The following FERMT3 variants were observed in gnomAD, a reference collection of about 807,000 sequenced individuals.
FERMT3 encodes the protein FERM domain containing kindlin 3, also known as fermitin family homolog 3.
In FERMT3, 33 loss-of-function variants were observed where a neutral mutation model predicts 80.8. The ratio of observed to expected loss-of-function variants is 0.41; its 90% CI spans 0.31 to 0.55. FERMT3 has a LOEUF of 0.55. Ranked by LOEUF, FERMT3 falls within the 20% of genes least tolerant of loss-of-function variation. FERMT3 has a pLI of 0.31. For synonymous variants in FERMT3, 375 were observed against 372.2 expected (o/e 1.01, Z -0.09); for missense variants, 754 against 908.7 (o/e 0.83, Z 2.19).
chr11:64,220,195 T>C, intron 10 of FERMT3, 25 bp from the exon 11 acceptor site: 1 of 1,610,630 alleles, frequency 6.2e-7, no homozygotes. Flanking sequence ...CCCGACCTCC[T>C]AGACCACCCC....
intron 12 of FERMT3, 98 bp downstream of exon 12, chr11:64,220,767 T>C (rs1239134017): frequency 3.1e-6 from 4 of 1,301,314 alleles, no homozygotes; most frequent in Non-Finnish European, 4.4e-6. Context: ...AGCTACGTAC[T>C]CACTGGGCTT....
At position 64,219,298 on chromosome 11, in the gene FERMT3, C is replaced by T; in HGVS notation, c.834C>T (p.Asp278=). The change falls in exon 7 of 15, where the codon GAC becomes GAT. Residue 278 remains aspartate (D), a synonymous_variant. Coordinates refer to ENST00000345728, the MANE Select transcript of FERMT3 (RefSeq NM_031471.6). The surrounding 1 kb of genome is among the most constrained non-coding windows in gnomAD (Gnocchi z 4.0). The part of the protein sequence containing the change: ...LTQLYEQARW[D]LLLEEIDCTE... ...AGCTGTATGAGCAGGCCCGGTGGGA[C>T]CTGCTGCTGGAGGAGATTGACTGCA... The T allele has an allele frequency of 1.9e-6, 3 of 1,609,430 alleles. No individual in the cohort carries two copies. The highest frequency in any genetic ancestry group is 1.7e-5 in the Admixed American group (1 of 59,536).
chr11:64,220,407 G>A, intron 11 of FERMT3, 29 bp from the exon 12 acceptor site: 1 of 1,609,566 alleles, frequency 6.2e-7, no homozygotes, highest in East Asian at 2.2e-5. Context: ...AGCTTGGTTA[G>A]CACTGTCCCC....
chr11:64,218,451 G>A (rs1005133706), intron 6 of FERMT3, among the ~76,000 whole-genome samples: 1 of 152,004 alleles, frequency 6.6e-6, no homozygotes, highest in Non-Finnish European at 1.5e-5. Context: ...CTACAGGCAC[G>A]CACCACCTCA....
At chr11:64,212,680 C>CA (rs1372186173) in intron 6 of FERMT3, among the ~76,000 whole-genome samples, 1 of 151,872 alleles carries the variant, frequency 6.6e-6, no homozygotes, top group Admixed American at 6.6e-5. Context: ...GCCACTCTGC[C>CA]AGGCTCTGTG....
intron 13 of FERMT3, among the ~76,000 whole-genome samples, chr11:64,222,732 T>C (rs1442556283): frequency 1.3e-5 from 2 of 152,126 alleles, no homozygotes; most frequent in South Asian, 2.1e-4. Flanking sequence ...TGATTAGTTG[T>C]TTCCCAAGAC....
intron 11 of FERMT3, 50 bp downstream of exon 11, chr11:64,220,376 G>GGC: frequency 6.2e-7 from 1 of 1,609,246 alleles, no homozygotes; most frequent in Non-Finnish European, 8.5e-7. Context: ...CTGGGGCAGG[G>GGC]GCAGGGGCTG....
chr11:64,213,644 G>C (rs1005277587), intron 6 of FERMT3, among the ~76,000 whole-genome samples: 92 of 142,828 alleles, frequency 6.4e-4, no homozygotes, highest in African/African-American at 2.3e-3. Context: ...CACAACCTCC[G>C]CCTCCTGGGT....
chr11:64,219,339 T>C lies in FERMT3; in HGVS notation c.875T>C (p.Met292Thr), dbSNP rs764669409. Reference sequence around the variant, plus strand: ...ATTGACTGCACCGAGGAGGAGATGATGGTGTTTGCCGCCCTGCAGGTACCA... The same window carrying C: ...ATTGACTGCACCGAGGAGGAGATGACGGTGTTTGCCGCCCTGCAGGTACCA... ...EEIDCTEEEM[M>T]VFAALQYHIN... Residue 292 changes from methionine to threonine, a missense_variant, in exon 7 of 15, where the codon ATG becomes ACG. Met to Thr is a moderately conservative substitution (Grantham distance 81). Transcript: ENST00000345728. The surrounding 1 kb of genome is among the most constrained non-coding windows in gnomAD (Gnocchi z 4.0). 1.2e-6 allele frequency: 2 copies of C among 1,604,324 alleles called. No individual in the cohort carries two copies. The highest frequency in any genetic ancestry group is 1.7e-6 in the Non-Finnish European group (2 of 1,175,798).
In FERMT3 at chr11:64,223,591, G is replaced by A; in HGVS notation, c.*99G>A. 7.1e-7 allele frequency: 1 copy of A among 1,402,976 alleles called. No homozygotes were observed. The highest frequency in any genetic ancestry group is 2.5e-5 in the East Asian group (1 of 40,418). The allele number at this position is 1,402,976 out of a possible 1,614,324, so 86.9% of individuals were successfully genotyped here. A position where few individuals can be genotyped will look rare whatever the true frequency, so the allele number is the denominator to read the frequency against. On this transcript the variant is annotated 3_prime_UTR_variant, in exon 15 of 15. Transcript: ENST00000345728. ...ACTGCCCCACACCCGCTCCAGGCAG[G>A]CACCCAGCTGGGCATTTCACCTGCT... is the stretch of plus-strand genomic sequence containing the variant.
Position 64,211,410 on chromosome 11 carries a change from G to T in FERMT3, c.650G>T (p.Ser217Ile). ...CTGCTCCAGCGTCTGCCACGGCCCA[G>T]CTCCCTGTCAGACAAGACCCAGCTC... ...PLLLQRLPRP[S>I]SLSDKTQLHS... Residue 217 changes from serine to isoleucine, a missense_variant, in exon 5 of 15, where the codon AGC (serine) becomes ATC (isoleucine). Physicochemically the swap from Ser to Ile is moderately radical, Grantham distance 142. Transcript: ENST00000345728. This position sits in a 1 kb window ranked among gnomAD's most constrained non-coding sequence, Gnocchi z 4.7. 6.2e-7 allele frequency: 1 copy of T among 1,601,814 alleles called. No individual in the cohort carries two copies.
At chr11:64,209,851 A>G (rs1274436838) in intron 2 of FERMT3, among the ~76,000 whole-genome samples, 1 of 152,120 alleles carries the variant, frequency 6.6e-6, no homozygotes, top group East Asian at 1.9e-4. Context: ...CCTTTTTCCT[A>G]TGCTCTCTCC....
rs1946650497 is a variant in FERMT3, at chr11:64,220,309, T to C, written c.1294T>C (p.Tyr432His). 1 of 1,613,768 alleles carries C rather than the reference T, an allele frequency of 6.2e-7. No individual in the cohort carries two copies. The change falls in exon 11 of 15, where the codon TAC (tyrosine) becomes CAC (histidine). Residue 432 changes from tyrosine (Y) to histidine (H), a missense_variant. By Grantham distance (83) the Tyr-to-His change is moderately conservative. Transcript: ENST00000345728. ...VPSPEGMSEIYLRCQDEQQYA... is the reference protein window; with the variant it reads ...VPSPEGMSEIHLRCQDEQQYA... The stretch of plus-strand genomic sequence containing the variant: ...CTCCCCTGAGGGCATGAGTGAGATC[T>C]ACCTGCGGTGCCAGGATGTGAGTGA...
chr11:64,211,293 TC>T lies in FERMT3; in HGVS notation c.535del (p.Arg179GlyfsTer20). 1 of 1,613,168 alleles carries T rather than the reference TC, an allele frequency of 6.2e-7. No homozygotes were observed. The highest frequency in any genetic ancestry group is 8.5e-7 in the Non-Finnish European group (1 of 1,179,772). ...VLAGGVAPAL[F>X]RGMPAHFSDS... ...ACTCCAGGCGTGGCACCTGCACTGT[TC>T]CGGGGGATGCCAGCTCACTTCTCGG... On this transcript the variant is annotated frameshift_variant, in exon 5 of 15. Coordinates refer to ENST00000345728, the MANE Select transcript of FERMT3 (RefSeq NM_031471.6). LOFTEE classifies it high-confidence loss of function. This position sits in a 1 kb window ranked among gnomAD's most constrained non-coding sequence, Gnocchi z 4.7.
chr11:64,223,497 T>C lies in FERMT3; in HGVS notation c.*5T>C, dbSNP rs1946772596. ...GGGGGCCATGAGGCCTTCTGAGGGC[T>C]GTCTGATTGCCCCTGCCCTGCTCAC... On this transcript the variant is annotated 3_prime_UTR_variant, in exon 15 of 15. Transcript: ENST00000345728. 1 of 1,601,810 alleles carries C rather than the reference T, an allele frequency of 6.2e-7. No homozygotes were observed. Among genetic ancestry groups the C allele is most frequent in the Non-Finnish European group, 8.5e-7 (1 of 1,178,456 alleles).
intron 6 of FERMT3, among the ~76,000 whole-genome samples, chr11:64,218,570 G>A (rs1404326807): frequency 6.6e-6 from 1 of 152,364 alleles, no homozygotes; most frequent in African/African-American, 2.4e-5. Context: ...CTCCCAAAGT[G>A]CTGGGATTAC....
chr11:64,214,923 C>T (rs1469010257), intron 6 of FERMT3, among the ~76,000 whole-genome samples: 1 of 151,898 alleles, frequency 6.6e-6, no homozygotes, highest in African/African-American at 2.4e-5. Context: ...CTGCCTCAGC[C>T]TCCCACATAG....
chr11:64,220,723 G>C, intron 12 of FERMT3, 54 bp downstream of exon 12: 4 of 1,504,150 alleles, frequency 2.7e-6, no homozygotes, highest in Non-Finnish European at 3.6e-6. Context: ...AGAGACCTCT[G>C]ACCCCTGGGT....
rs1268843126 is a variant in FERMT3, at chr11:64,210,851, TGC to T, written c.394+8_394+9del. On this transcript the variant is annotated splice_region_variant and intron_variant, in intron 3 of 14. Transcript: ENST00000345728. The surrounding 1 kb of genome is among the most constrained non-coding windows in gnomAD (Gnocchi z 4.3). ...GCCATCTGCCGCCTCCTCAGTAAGT[TGC>T]CCGGCTGATTCCCCTGGCCCACGAG... The T allele has an allele frequency of 6.8e-6, 11 of 1,611,054 alleles. No individual in the cohort carries two copies. The highest frequency in any genetic ancestry group is 8.5e-6 in the Non-Finnish European group (10 of 1,179,960).
Sources: allele counts gnomAD v4.1 joint callset (sites outside exome capture counted in the v4.1 genomes callset), GRCh38; gene constraint gnomAD v4.1.1; non-coding constraint Gnocchi (gnomAD v3.1); transcripts MANE v1.5; gene names NCBI Gene and HGNC (gene_info 2026-07-23, HGNC 2026-07-21).